The following TMEM161B variants were observed in gnomAD, a reference collection of about 807,000 sequenced individuals.
TMEM161B encodes the protein transmembrane protein 161B.
Under a neutral mutation model 61.8 loss-of-function variants are expected in TMEM161B, and 34 were observed. The ratio of observed to expected loss-of-function variants is 0.55; its 90% CI spans 0.42 to 0.73. The LOEUF is 0.73. TMEM161B is among the 30% of genes least tolerant of loss of function. TMEM161B has a pLI of 0.00. For missense variants in TMEM161B, 456 were observed against 558.5 expected (o/e 0.82, Z 1.85); for synonymous variants, 167 against 192.8 (o/e 0.87, Z 1.11).
intron 1 of TMEM161B, among the ~76,000 whole-genome samples, chr5:88,264,561 G>A (rs1756111095): frequency 6.6e-6 from 1 of 152,134 alleles, no homozygotes; most frequent in African/African-American, 2.4e-5. Flanking sequence ...AATACCATTT[G>A]ACCCAGCAAT....
chr5:88,268,546 G>A (rs1415786846), intron 1 of TMEM161B, among the ~76,000 whole-genome samples, 175 bp downstream of exon 1: 1 of 152,204 alleles, frequency 6.6e-6, no homozygotes, highest in Non-Finnish European at 1.5e-5. Context: ...TAGGCGTAAT[G>A]CTGCTTCCTC....
At chr5:88,263,946 G>A (rs1245119454) in intron 1 of TMEM161B, among the ~76,000 whole-genome samples, 1 of 152,046 alleles carries the variant, frequency 6.6e-6, no homozygotes, top group Non-Finnish European at 1.5e-5. Context: ...AAACCTGAAT[G>A]TTTCCTCTAA....
rs188652369 is a variant in TMEM161B at position 88,195,502 on chromosome 5, T to C, written c.*709A>G. On this transcript the variant is annotated 3_prime_UTR_variant, in exon 12 of 12. Transcript: ENST00000296595. ...TAGGATCACAGAATAAAACAAAATA[T>C]GGCAGGTCCAAACCTAATGGCAAGA... 1.1e-5 allele frequency: 11 copies of C among 985,064 alleles called. 1 individual carries two copies. In the Admixed American group the frequency reaches 3.1e-4, roughly 28 times the overall value. 61.0% of individuals were successfully genotyped at this position (985,064 alleles called of 1,614,324 possible). A position where few individuals can be genotyped will look rare whatever the true frequency, so the allele number is the denominator to read the frequency against.
downstream of TMEM161B, among the ~76,000 whole-genome samples, chr5:88,191,977 AAAG>A: frequency 2.7e-5 from 2 of 75,454 alleles, no homozygotes; most frequent in East Asian, 7.8e-4. Context: ...AAAAAAAAAA[AAAG>A]TGTATATATA....
chr5:88,218,893 G>T (rs1748408849), intron 5 of TMEM161B, among the ~76,000 whole-genome samples: 1 of 152,188 alleles, frequency 6.6e-6, no homozygotes, highest in African/African-American at 2.4e-5. Flanking sequence ...TTTTGAAGAT[G>T]ATACTGGAGA....
At chr5:88,262,289 A>G (rs531125804) in intron 1 of TMEM161B, among the ~76,000 whole-genome samples, 1 of 152,322 alleles carries the variant, frequency 6.6e-6, no homozygotes, top group African/African-American at 2.4e-5. Context: ...ATGTAGAGCA[A>G]TGGGAACTCT....
chr5:88,210,389 T>C (rs530397842), intron 5 of TMEM161B, among the ~76,000 whole-genome samples: 21 of 152,204 alleles, frequency 1.4e-4, no homozygotes, highest in Non-Finnish European at 3.1e-4. Context: ...TGATAATTTA[T>C]TTTAAGAGGT....
intron 5 of TMEM161B, among the ~76,000 whole-genome samples, chr5:88,208,233 C>T (rs888046173): frequency 2.6e-5 from 4 of 152,060 alleles, no homozygotes; most frequent in Admixed American, 1.3e-4. Flanking sequence ...CCTGTGATCC[C>T]AGCACCTTGG....
chr5:88,195,630 T>C lies in TMEM161B; in HGVS notation c.*581A>G, dbSNP rs1234601949. On this transcript the variant is annotated 3_prime_UTR_variant, in exon 12 of 12. Transcript: ENST00000296595. ...CTATTCTCAAGCAGCAGTAGTTATA[T>C]ATTTTAACCATATTCATCTCCATTA... 2.0e-6 allele frequency: 2 copies of C among 985,000 alleles called. No homozygotes were observed. The highest frequency in any genetic ancestry group is 2.4e-6 in the Non-Finnish European group (2 of 829,204). The allele number at this position is 985,000 out of a possible 1,614,324, so 61.0% of individuals were successfully genotyped here.
chr5:88,227,916 G>A (rs1294214432), intron 3 of TMEM161B, among the ~76,000 whole-genome samples: 1 of 152,176 alleles, frequency 6.6e-6, no homozygotes, highest in Non-Finnish European at 1.5e-5. Context: ...AGTCACAGAT[G>A]AGGCTTCTAT....
chr5:88,197,568 G>A (rs1042711338), intron 11 of TMEM161B, 101 bp downstream of exon 11: 20 of 991,972 alleles, frequency 2.0e-5, no homozygotes, highest in Non-Finnish European at 2.8e-5. Flanking sequence ...TTTAAAAAGA[G>A]AAACAATTTT....
intron 5 of TMEM161B, among the ~76,000 whole-genome samples, chr5:88,208,362 G>A (rs1048549687): frequency 8.5e-5 from 13 of 152,214 alleles, no homozygotes; most frequent in African/African-American, 2.7e-4. Context: ...GGCGCCTGTA[G>A]TCATAGCTAC....
In TMEM161B at chr5:88,195,621, G is replaced by C. The variant is rs1255587639; in HGVS notation, c.*590C>G. The C allele has an allele frequency of 1.0e-6, 1 of 984,750 alleles. No individual in the cohort carries two copies. 61.0% of individuals were successfully genotyped at this position (984,750 alleles called of 1,614,324 possible). A position where few individuals can be genotyped will look rare whatever the true frequency, so the allele number is the denominator to read the frequency against. On this transcript the variant is annotated 3_prime_UTR_variant, in exon 12 of 12. Transcript: ENST00000296595. ...ATACTCTTGCTATTCTCAAGCAGCA[G>C]TAGTTATATATTTTAACCATATTCA...
At chr5:88,240,099 G>A (rs1490113719) in intron 2 of TMEM161B, among the ~76,000 whole-genome samples, 6 of 151,780 alleles carry the variant, frequency 4.0e-5, no homozygotes, top group Admixed American at 2.0e-4. Flanking sequence ...TGAGGGGTGG[G>A]AGGTACATGT....
intron 6 of TMEM161B, 117 bp downstream of exon 6, chr5:88,206,912 T>C: frequency 1.2e-6 from 1 of 868,660 alleles, no homozygotes; most frequent in Non-Finnish European, 1.8e-6. Flanking sequence ...CATTACAGAG[T>C]ATACACTTTA....
chr5:88,193,782 C>T (rs1749221457), downstream of TMEM161B, among the ~76,000 whole-genome samples: 1 of 152,058 alleles, frequency 6.6e-6, no homozygotes, highest in African/African-American at 2.4e-5. Context: ...TGAGATTCTT[C>T]CCTAGTCCAA....
At chr5:88,208,420 T>G (rs1745986725) in intron 5 of TMEM161B, among the ~76,000 whole-genome samples, 1 of 151,382 alleles carries the variant, frequency 6.6e-6, no homozygotes, top group South Asian at 2.1e-4. Flanking sequence ...AGGCGGAGCT[T>G]GCAGTGAGCT....
intron 5 of TMEM161B, among the ~76,000 whole-genome samples, chr5:88,208,364 C>T (rs923498500): frequency 6.6e-6 from 1 of 152,218 alleles, no homozygotes; most frequent in Non-Finnish European, 1.5e-5. Flanking sequence ...CGCCTGTAGT[C>T]ATAGCTACTA....
chr5:88,229,469 G>T (rs1201069770), intron 2 of TMEM161B, among the ~76,000 whole-genome samples: 1 of 139,484 alleles, frequency 7.2e-6, no homozygotes, highest in Non-Finnish European at 1.5e-5. Flanking sequence ...AAATCCATCT[G>T]AGCTTACCTC....
Sources: allele counts gnomAD v4.1 joint callset (sites outside exome capture counted in the v4.1 genomes callset), GRCh38; gene constraint gnomAD v4.1.1; transcripts MANE v1.5; gene names NCBI Gene and HGNC (gene_info 2026-07-23, HGNC 2026-07-21).